Variants in ERBB3 observed in about 807,000 individuals in gnomAD.
The protein encoded by ERBB3 is erb-b2 receptor tyrosine kinase 3.
ERBB3 carries 96 observed loss-of-function variants against 156.7 expected under a neutral mutation model. The ratio of observed to expected loss-of-function variants is 0.61; its 90% CI spans 0.52 to 0.73. ERBB3 has a LOEUF of 0.73. ERBB3 is among the 30% of genes least tolerant of loss of function. The probability of loss-of-function intolerance (pLI) is 0.00; values close to 1 mark genes in which losing one functional copy is unlikely to be tolerated. For synonymous variants in ERBB3, 567 were observed against 632.0 expected, an observed-to-expected ratio of 0.90 and a Z score of 1.54; for missense variants, 1,406 against 1,709.4, an observed-to-expected ratio of 0.82 and a Z score of 3.13.
intron 16 of ERBB3, 147 bp downstream of exon 16, chr12:56,095,457 C>T: frequency 3.4e-6 from 3 of 889,534 alleles, no homozygotes; most frequent in Admixed American, 2.1e-5. Context: ...CTCAAGAATG[C>T]AGGCTTCTGG....
chr12:56,096,570 A>G lies in ERBB3; in HGVS notation c.2123A>G (p.Glu708Gly). ...TTGGCCAGAATCTTCAAAGAGACAG[A>G]GCTAAGGAAGCTTAAAGTGCTTGGC... ...KVLARIFKET[E>G]LRKLKVLGSG... The change falls in exon 18 of 28, where the codon GAG (glutamate) becomes GGG (glycine). Residue 708 changes from glutamate to glycine, a missense_variant. Transcript: ENST00000267101. 2.5e-6 allele frequency: 4 copies of G among 1,614,210 alleles called. No homozygotes were observed. Among genetic ancestry groups the G allele is most frequent in the African/African-American group, 1.3e-5 (1 of 75,058 alleles).
chr12:56,099,559 A>G, intron 23 of ERBB3, 89 bp from the exon 24 acceptor site: 3 of 1,149,802 alleles, frequency 2.6e-6, no homozygotes, highest in Non-Finnish European at 3.9e-6. Context: ...TTGGCCTCCC[A>G]AAGTGCTGGG....
In ERBB3 at chr12:56,103,495, GT is replaced by G; in HGVS notation, c.*1448del. 4 of 192,178 alleles carry G rather than the reference GT, an allele frequency of 2.1e-5. No individual in the cohort carries two copies. The highest frequency in any genetic ancestry group is 8.3e-5 in the East Asian group (1 of 12,118). The allele number at this position is 192,178 out of a possible 1,614,324, so 11.9% of individuals were successfully genotyped here. On this transcript the variant is annotated 3_prime_UTR_variant, in exon 28 of 28. Transcript: ENST00000267101. Reference sequence around the variant, plus strand: ...TACGTGTCTGAATAAAAATGCCAAAGTTTTTTTTCAGCTTCCTGTCTGTCAA... The same window carrying G: ...TACGTGTCTGAATAAAAATGCCAAAGTTTTTTTCAGCTTCCTGTCTGTCAA...
intron 12 of ERBB3, 23 bp from the exon 13 acceptor site, chr12:56,093,741 C>T (rs1868795685): frequency 6.2e-7 from 1 of 1,613,970 alleles, no homozygotes; most frequent in African/African-American, 1.3e-5. Flanking sequence ...GACTCCTCTC[C>T]TAACCCACCC....
At chr12:56,086,172 A>C (rs1200894465) in intron 3 of ERBB3, among the ~76,000 whole-genome samples, 1 of 151,938 alleles carries the variant, frequency 6.6e-6, no homozygotes, top group African/African-American at 2.4e-5. Flanking sequence ...AGCTGGAGGA[A>C]TATAGGGGTT....
At position 56,098,897 on chromosome 12, in the gene ERBB3, T is replaced by C. The variant is rs1160895679; in HGVS notation, c.2831T>C (p.Met944Thr). Residue 944 changes from methionine to threonine, a missense_variant, in exon 23 of 28, where the codon ATG (methionine) becomes ACG (threonine). Physicochemically the swap from Met to Thr is moderately conservative, Grantham distance 81 (BLOSUM62 -1). Transcript: ENST00000267101. ...TGCACAATTGATGTCTACATGGTGA[T>C]GGTCAAGTGTGAGTTACCTGCTGAG... ...QICTIDVYMV[M>T]VKCWMIDENI... 2 of 1,613,878 alleles carry C rather than the reference T, an allele frequency of 1.2e-6. No homozygotes were observed. Among genetic ancestry groups the C allele is most frequent in the Non-Finnish European group, 1.7e-6 (2 of 1,179,932 alleles).
At chr12:56,095,852 G>T (rs745464238) in intron 17 of ERBB3, 46 bp downstream of exon 17, 12 of 1,608,224 alleles carry the variant, frequency 7.5e-6, no homozygotes, top group Non-Finnish European at 8.5e-7. Context: ...TTTTTTGCAT[G>T]TCCTGGAAGT....
chr12:56,098,524 G>C lies in ERBB3; in HGVS notation c.2641G>C (p.Glu881Gln). ...GACTCCAATTAAGTGGATGGCCCTTGAGAGTATCCACTTTGGGAAATACAC... is the reference window on the plus strand; with the variant it reads ...GACTCCAATTAAGTGGATGGCCCTTCAGAGTATCCACTTTGGGAAATACAC... ...AKTPIKWMAL[E>Q]SIHFGKYTHQ... is the part of the protein sequence containing the mutation. Residue 881 changes from glutamate to glutamine, a missense_variant, in exon 22 of 28, where the codon GAG becomes CAG. Physicochemically the swap from Glu to Gln is conservative, Grantham distance 29 (BLOSUM62 2). This residue lies in a region of ERBB3 where 979 missense variants were observed against 1,219.6 expected (regional missense o/e 0.80). Transcript: ENST00000267101. The C allele has an allele frequency of 6.2e-7, 1 of 1,613,020 alleles. No individual in the cohort carries two copies. Among genetic ancestry groups the C allele is most frequent in the Non-Finnish European group, 8.5e-7 (1 of 1,178,978 alleles).
At position 56,096,489 on chromosome 12, in the gene ERBB3, C is replaced by T. The variant is rs1489072133; in HGVS notation, c.2056-14C>T. The T allele has an allele frequency of 1.2e-6, 2 of 1,613,572 alleles. No homozygotes were observed. Among genetic ancestry groups the T allele is most frequent in the Non-Finnish European group, 1.7e-6 (2 of 1,179,946 alleles). ...TGGCCTTTCCTGAGTAACTCCTTCC[C>T]ATTTGCTCCTCAGAGCATAGAGCCT... On this transcript the variant is annotated splice_polypyrimidine_tract_variant and intron_variant, in intron 17 of 27. Transcript: ENST00000267101.
chr12:56,085,591 A>G (rs557470204), intron 3 of ERBB3: 4 of 351,654 alleles, frequency 1.1e-5, no homozygotes. Flanking sequence ...CTAAAAATAC[A>G]AAAAAATAAA....
At position 56,101,418 on chromosome 12, in the gene ERBB3, T is replaced by G. The variant is rs1243602122; in HGVS notation, c.3502+57T>G. 36 of 1,594,730 alleles carry G rather than the reference T, an allele frequency of 2.3e-5. No homozygotes were observed. In the East Asian group the frequency reaches 8.9e-4, roughly 39 times the overall value. On this transcript the variant is annotated intron_variant, in intron 27 of 27. Transcript: ENST00000267101. ...TTTTCCTCGAATTCTTTCCCCGGGC[T>G]CCTCTTTTTTCTTCTCTGATCATAT... is the stretch of plus-strand genomic sequence containing the variant.
At chr12:56,088,917 A>G in intron 9 of ERBB3, 49 bp downstream of exon 9, 1 of 1,612,382 alleles carries the variant, frequency 6.2e-7, no homozygotes, top group Non-Finnish European at 8.5e-7. Flanking sequence ...CGCACCCCTC[A>G]CAGTTCATTT....
At chr12:56,087,719 G>C (rs1868533204) in intron 5 of ERBB3, 76 bp from the exon 6 acceptor site, 1 of 1,586,664 alleles carries the variant, frequency 6.3e-7, no homozygotes, top group South Asian at 1.1e-5. Context: ...GGTCAACACT[G>C]TGGGGGAGGC....
Position 56,097,130 on chromosome 12 carries a change from C to G in ERBB3, c.2360C>G (p.Thr787Ser). ...LCPGSSLQLV[T>S]QYLPLGSLLD... ...CCAGGGTCATCTCTGCAGCTTGTCA[C>G]TCAATATTTGCCTCTGGGTTCTCTG... The change falls in exon 20 of 28, where the codon ACT (threonine) becomes AGT (serine). Residue 787 changes from threonine to serine, a missense_variant. By Grantham distance (58) the Thr-to-Ser change is moderately conservative. Coordinates refer to ENST00000267101, the MANE Select transcript of ERBB3 (RefSeq NM_001982.4). 1 of 1,614,146 alleles carries G rather than the reference C, an allele frequency of 6.2e-7. No individual in the cohort carries two copies. Among genetic ancestry groups the G allele is most frequent in the Non-Finnish European group, 8.5e-7 (1 of 1,180,002 alleles).
Position 56,080,222 on chromosome 12 carries a change from G to A in ERBB3, c.-79G>A. On this transcript the variant is annotated 5_prime_UTR_variant, in exon 1 of 28. Transcript: ENST00000267101. ...CAGCCACCAATTCGCCAGCGGTTCAGGTGGCTCTTGCCTCGATGTCCTAGC... is the reference window on the plus strand; with the variant it reads ...CAGCCACCAATTCGCCAGCGGTTCAAGTGGCTCTTGCCTCGATGTCCTAGC... 8.5e-7 allele frequency: 1 copy of A among 1,176,708 alleles called. No homozygotes were observed. Among genetic ancestry groups the A allele is most frequent in the South Asian group, 1.3e-5 (1 of 76,912 alleles). 72.9% of individuals were successfully genotyped at this position (1,176,708 alleles called of 1,614,324 possible). A position where few individuals can be genotyped will look rare whatever the true frequency, so the allele number is the denominator to read the frequency against.
Position 56,080,434 on chromosome 12 carries a change from G to C in ERBB3, c.82+52G>C. On this transcript the variant is annotated intron_variant, in intron 1 of 27. Coordinates refer to ENST00000267101, the MANE Select transcript of ERBB3 (RefSeq NM_001982.4). ...CTCGGCACCTGGGAGCCGGAACCCA[G>C]TGCGCGCAGCCTCGGAGGGTATGGG... 2.1e-6 allele frequency: 3 copies of C among 1,426,574 alleles called. No individual in the cohort carries two copies. The East Asian group carries it at 7.3e-5, about 35-fold the overall frequency. 88.4% of individuals were successfully genotyped at this position (1,426,574 alleles called of 1,614,324 possible). A position where few individuals can be genotyped will look rare whatever the true frequency, so the allele number is the denominator to read the frequency against.
intron 13 of ERBB3, 99 bp downstream of exon 13, chr12:56,093,995 A>G (rs1868806813): frequency 6.3e-7 from 1 of 1,578,064 alleles, no homozygotes; most frequent in Non-Finnish European, 8.7e-7. Context: ...AGCTTTCTGC[A>G]TGTGCCTTGG....
rs770750571 is a variant in ERBB3, at chr12:56,085,024, C to T, written c.264C>T (p.Leu88=). 63 of 1,614,000 alleles carry T rather than the reference C, an allele frequency of 3.9e-5. No homozygotes were observed. In the Admixed American group the frequency reaches 6.2e-4, roughly 16 times the overall value. Residue 88 remains leucine (L), a synonymous_variant, in exon 3 of 28, where the codon CTC becomes CTT. Coordinates refer to ENST00000267101, the MANE Select transcript of ERBB3 (RefSeq NM_001982.4). The part of the protein sequence containing the change: ...QWIREVTGYV[L]VAMNEFSTLP... The stretch of plus-strand genomic sequence containing the variant: ...TTCGAGAAGTGACAGGCTATGTCCT[C>T]GTGGCCATGAATGAATTCTCTACTC...
intron 9 of ERBB3, among the ~76,000 whole-genome samples, chr12:56,091,264 TTTTATATA>T (rs1868672757): frequency 2.9e-5 from 1 of 34,082 alleles, no homozygotes; most frequent in African/African-American, 9.6e-5. Flanking sequence ...GCTTGGCTAA[TTTTATATA>T]TATATATATA....
Sources: allele counts gnomAD v4.1 joint callset (sites outside exome capture counted in the v4.1 genomes callset), GRCh38; gene constraint gnomAD v4.1.1; regional missense constraint gnomAD v4.1.1; transcripts MANE v1.5; gene names NCBI Gene and HGNC (gene_info 2026-07-23, HGNC 2026-07-21).